Variants in RNF43 observed in about 807,000 individuals in gnomAD.
RNF43 encodes E3 ubiquitin-protein ligase RNF43.
A neutral mutation model predicts 78.4 loss-of-function variants in RNF43; 37 were observed. The ratio of observed to expected loss-of-function variants is 0.47; its 90% CI spans 0.36 to 0.62. RNF43 has a LOEUF of 0.62. Among genes scored for constraint, RNF43 ranks in the 20% least tolerant of loss-of-function variants. The probability of loss-of-function intolerance (pLI) is 0.00; values close to 1 mark genes in which losing one functional copy is unlikely to be tolerated. For missense variants in RNF43, 774 were observed against 1,007.9 expected, an observed-to-expected ratio of 0.77 and a Z score of 3.14; for synonymous variants, 347 against 395.0, an observed-to-expected ratio of 0.88 and a Z score of 1.44.
At chr17:58,359,953 T>A (rs962969898) in intron 8 of RNF43, among the ~76,000 whole-genome samples, 196 bp downstream of exon 8, 6 of 152,026 alleles carry the variant, frequency 3.9e-5, no homozygotes, top group African/African-American at 9.7e-5. Flanking sequence ...AATTAAAAAA[T>A]AAATAAATAA....
Position 58,358,888 on chromosome 17 carries a change from A to T in RNF43, c.953-65T>A. ...AAACCTACAGAGAATGCATTCAGAA[A>T]GACATGGCTGTAGCTAATCTATTTG... is the stretch of plus-strand genomic sequence containing the variant. On this transcript the variant is annotated intron_variant, in intron 8 of 9. Transcript: ENST00000407977. The surrounding 1 kb of genome is among the most constrained non-coding windows in gnomAD (Gnocchi z 6.2). The T allele has an allele frequency of 7.1e-7, 1 of 1,406,142 alleles. No individual in the cohort carries two copies. Among genetic ancestry groups the T allele is most frequent in the Non-Finnish European group, 9.3e-7 (1 of 1,074,540 alleles). The allele number at this position is 1,406,142 out of a possible 1,614,324, so 87.1% of individuals were successfully genotyped here.
Position 58,358,822 on chromosome 17 carries a change from C to T in RNF43, c.954G>A (p.Glu318=), listed in dbSNP as rs2143428826. Residue 318 remains glutamate (E), a splice_region_variant and synonymous_variant, in exon 9 of 10, where the codon GAG becomes GAA. Coordinates refer to ENST00000407977, the MANE Select transcript of RNF43 (RefSeq NM_017763.6). This position sits in a 1 kb window ranked among gnomAD's most constrained non-coding sequence, Gnocchi z 6.2. Reference sequence around the variant, plus strand: ...CCAGGGACTGGGAAAATGAATCTCCCTCTGGAAAAAAGAACCAAGAGCACA... The same window carrying T: ...CCAGGGACTGGGAAAATGAATCTCCTTCTGGAAAAAAGAACCAAGAGCACA... The part of the protein sequence containing the change: ...TCPLCMFNIT[E]GDSFSQSLGP... 6.7e-7 allele frequency: 1 copy of T among 1,490,534 alleles called. No homozygotes were observed. Among genetic ancestry groups the T allele is most frequent in the Non-Finnish European group, 8.9e-7 (1 of 1,123,684 alleles). The allele number at this position is 1,490,534 out of a possible 1,614,324, so 92.3% of individuals were successfully genotyped here. A position where few individuals can be genotyped will look rare whatever the true frequency, so the allele number is the denominator to read the frequency against.
At chr17:58,412,525 C>G (rs1255439911) in intron 2 of RNF43, among the ~76,000 whole-genome samples, 1 of 151,630 alleles carries the variant, frequency 6.6e-6, no homozygotes, top group East Asian at 1.9e-4. Context: ...AGAATCAGAA[C>G]AAAAATCATC....
intron 2 of RNF43, among the ~76,000 whole-genome samples, chr17:58,379,135 G>A (rs1417986412): frequency 6.6e-6 from 1 of 152,106 alleles, no homozygotes; most frequent in East Asian, 1.9e-4. Flanking sequence ...CTGCCTCCGG[G>A]TATGCACGCT....
chr17:58,373,599 T>C (rs1448000289), intron 2 of RNF43, among the ~76,000 whole-genome samples: 3 of 152,224 alleles, frequency 2.0e-5, no homozygotes, highest in African/African-American at 7.2e-5. Flanking sequence ...AGGCATGCAA[T>C]GTGTAATAAT....
chr17:58,366,336 G>A (rs1027057518), intron 3 of RNF43, among the ~76,000 whole-genome samples: 1 of 152,156 alleles, frequency 6.6e-6, no homozygotes, highest in Non-Finnish European at 1.5e-5. Flanking sequence ...GGACAGGAAG[G>A]ACCTTCAGCC....
Position 58,398,656 on chromosome 17 carries a change from C to T in RNF43, c.252+16670G>A, listed in dbSNP as rs182718791. Among the ~76,000 whole-genome samples the T allele has an allele frequency of 6.8e-4, 103 of 152,282 alleles. 1 individual carries two copies. The highest frequency in any genetic ancestry group is 2.5e-3 in the African/African-American group (102 of 41,556). The stretch of plus-strand genomic sequence containing the variant: ...ATAGAAATGGAGTCTAGCAATCATT[C>T]ATTCTTAGCACTGTATTGCTCAGTA... On this transcript the variant is annotated intron_variant, in intron 2 of 9. Coordinates refer to ENST00000407977, the MANE Select transcript of RNF43 (RefSeq NM_017763.6).
chr17:58,409,998 A>G (rs1598169506), intron 2 of RNF43, among the ~76,000 whole-genome samples: 1 of 152,030 alleles, frequency 6.6e-6, no homozygotes, highest in East Asian at 1.9e-4. Flanking sequence ...CCAAGGAAGT[A>G]CCTACCCCCC....
intron 2 of RNF43, among the ~76,000 whole-genome samples, chr17:58,375,217 T>C (rs1973182439): frequency 6.6e-6 from 1 of 152,206 alleles, no homozygotes; most frequent in African/African-American, 2.4e-5. Context: ...AAATGCTAAC[T>C]TGAGCACGTT....
intron 3 of RNF43, among the ~76,000 whole-genome samples, chr17:58,369,434 C>A (rs1973033038): frequency 6.6e-6 from 1 of 152,222 alleles, no homozygotes; most frequent in South Asian, 2.1e-4. Flanking sequence ...GGTAAGAACC[C>A]AGGCTGTTTC....
chr17:58,397,176 T>G (rs1187398706), intron 2 of RNF43, among the ~76,000 whole-genome samples: 1 of 152,170 alleles, frequency 6.6e-6, no homozygotes, highest in East Asian at 1.9e-4. Flanking sequence ...TACAGGATAT[T>G]CATTTAAAAT....
At chr17:58,405,860 C>T (rs1310458251) in intron 2 of RNF43, among the ~76,000 whole-genome samples, 1 of 152,220 alleles carries the variant, frequency 6.6e-6, no homozygotes, top group Admixed American at 6.5e-5. Context: ...TAAGTTGATT[C>T]TCCTCAGTTG....
chr17:58,403,568 T>C (rs757406418), intron 2 of RNF43, among the ~76,000 whole-genome samples: 36 of 152,168 alleles, frequency 2.4e-4, no homozygotes, highest in Non-Finnish European at 4.7e-4. Context: ...TTGTGTCTAC[T>C]GTATGGCCCT....
intron 2 of RNF43, among the ~76,000 whole-genome samples, chr17:58,405,751 AAAG>A: frequency 6.6e-6 from 1 of 151,794 alleles, no homozygotes; most frequent in African/African-American, 2.4e-5. Context: ...AGAAAGAAAG[AAAG>A]AAAGAAAGAA....
chr17:58,361,250 T>C (rs746430612), intron 6 of RNF43, among the ~76,000 whole-genome samples: 4 of 152,348 alleles, frequency 2.6e-5, no homozygotes, highest in East Asian at 1.9e-4. Context: ...ATAGGCCTCA[T>C]CTTATTAACC....
intron 3 of RNF43, among the ~76,000 whole-genome samples, chr17:58,370,060 GTT>G (rs56372311): frequency 2.1e-5 from 2 of 96,238 alleles, no homozygotes; most frequent in African/African-American, 8.9e-5. Flanking sequence ...GAAAATCTGA[GTT>G]TTTTTTTTTT....
chr17:58,385,894 T>C (rs533627908), intron 2 of RNF43, among the ~76,000 whole-genome samples: 1 of 151,788 alleles, frequency 6.6e-6, no homozygotes, highest in South Asian at 2.1e-4. Context: ...ATTACTTGAG[T>C]TCACAAGTTC....
chr17:58,353,047 C>T (rs1350240002), downstream of RNF43: 1 of 214,282 alleles, frequency 4.7e-6, no homozygotes, highest in Non-Finnish European at 9.4e-6. Flanking sequence ...AGCACCAGCT[C>T]TCTGTCCTCG....
intron 2 of RNF43, among the ~76,000 whole-genome samples, chr17:58,383,990 G>C (rs544757843): frequency 6.6e-6 from 1 of 152,120 alleles, no homozygotes; most frequent in African/African-American, 2.4e-5. Context: ...TCAGCTTCCC[G>C]GCAGCTTGAT....
Sources: gnomAD v4.1 joint callset for allele counts (sites outside exome capture counted in the v4.1 genomes callset) on GRCh38, gnomAD v4.1.1 for gene constraint, Gnocchi (gnomAD v3.1) non-coding constraint, MANE v1.5 for transcripts, NCBI Gene and HGNC (gene_info 2026-07-23, HGNC 2026-07-21) for gene names.